The following LRIG1 variants were observed in gnomAD, a reference collection of about 807,000 sequenced individuals.
LRIG1 encodes the protein leucine-rich repeats and immunoglobulin-like domains protein 1.
Under a neutral mutation model 99.2 loss-of-function variants are expected in LRIG1, and 48 were observed. The observed-to-expected ratio is 0.48, with a 90% CI of 0.38 to 0.62. The LOEUF is 0.62. Among genes scored for constraint, LRIG1 ranks in the 20% least tolerant of loss-of-function variants. The probability of loss-of-function intolerance (pLI) is 0.00; values close to 1 mark genes in which losing one functional copy is unlikely to be tolerated. For missense variants in LRIG1, 1,646 were observed against 1,434.4 expected, an observed-to-expected ratio of 1.15 and a Z score of -2.38; for synonymous variants, 772 against 596.1, an observed-to-expected ratio of 1.29 and a Z score of -4.30.
chr3:66,486,437 G>A (rs1302478557), intron 1 of LRIG1, among the ~76,000 whole-genome samples: 1 of 152,060 alleles, frequency 6.6e-6, no homozygotes, highest in Non-Finnish European at 1.5e-5. Context: ...CCAGATGCCT[G>A]GAATGCAGGA....
At chr3:66,440,751 A>G (rs1396574964) in intron 3 of LRIG1, among the ~76,000 whole-genome samples, 1 of 152,210 alleles carries the variant, frequency 6.6e-6, no homozygotes, top group Non-Finnish European at 1.5e-5. Flanking sequence ...ACCAGACACT[A>G]TACTGAGGAC....
At position 66,467,595 on chromosome 3, in the gene LRIG1, T is replaced by C. The variant is rs533194148; in HGVS notation, c.219-5086A>G. Among the ~76,000 whole-genome samples the C allele has an allele frequency of 2.0e-5, 3 of 152,162 alleles. No individual in the cohort carries two copies. In the South Asian group the frequency reaches 6.2e-4, roughly 32 times the overall value. ...CCAGGATGGTCTTGATCTCCTGACC[T>C]CGTGATGTGCCCGCCTCGGCCTCCC... On this transcript the variant is annotated intron_variant, in intron 1 of 18. Transcript: ENST00000273261.
At chr3:66,492,753 C>A (rs912899408) in intron 1 of LRIG1, among the ~76,000 whole-genome samples, 3 of 152,152 alleles carry the variant, frequency 2.0e-5, no homozygotes, top group African/African-American at 7.2e-5. Context: ...TTAGGACTTG[C>A]AGAAATGAAC....
chr3:66,482,946 G>GT (rs949065136), intron 1 of LRIG1, among the ~76,000 whole-genome samples: 6 of 152,250 alleles, frequency 3.9e-5, no homozygotes, highest in Admixed American at 6.5e-5. Flanking sequence ...GAAATCAGTT[G>GT]TTTTTTCTTT....
In LRIG1 at chr3:66,380,805, T is replaced by G; in HGVS notation, c.2827A>C (p.Arg943=). ...DCNTEVDCYS[R]GQAFHPQPVS... ...GGCTGGGGGTGGAAGGCTTGTCCCC[T>G]GGAGTAACAGTCCACTTCGGTGTTG... is the stretch of plus-strand genomic sequence containing the variant. The change falls in exon 18 of 19, where the codon AGG becomes CGG. Residue 943 remains arginine, a synonymous_variant. Transcript: ENST00000273261. 6.2e-7 allele frequency: 1 copy of G among 1,614,194 alleles called. No homozygotes were observed. The highest frequency in any genetic ancestry group is 8.5e-7 in the Non-Finnish European group (1 of 1,180,034).
chr3:66,453,779 G>C (rs894519766), intron 2 of LRIG1, among the ~76,000 whole-genome samples: 1 of 152,196 alleles, frequency 6.6e-6, no homozygotes, highest in Non-Finnish European at 1.5e-5. Context: ...TAACAGCACA[G>C]TTGTTTTTCA....
intron 17 of LRIG1, 51 bp from the exon 18 acceptor site, chr3:66,380,912 G>T (rs148647562): frequency 5.1e-6 from 8 of 1,578,714 alleles, no homozygotes; most frequent in Non-Finnish European, 6.1e-6. Context: ...GGGAGTCTTC[G>T]TCCCCACACA....
At chr3:66,407,282 A>C (rs1339248819) in intron 8 of LRIG1, 66 bp downstream of exon 8, 2 of 1,553,428 alleles carry the variant, frequency 1.3e-6, no homozygotes, top group Admixed American at 3.4e-5. Flanking sequence ...AACAAAGCAG[A>C]TGGTTTGCTC....
chr3:66,467,010 GTTC>G (rs1244943802), intron 1 of LRIG1, among the ~76,000 whole-genome samples: 3 of 152,174 alleles, frequency 2.0e-5, no homozygotes, highest in South Asian at 2.1e-4. Flanking sequence ...AGCAATAGAT[GTTC>G]TTTCAGCTAA....
In LRIG1 at chr3:66,500,360, A is replaced by AGGCGAGC; in HGVS notation, c.41_47dup (p.Cys17LeufsTer68). On this transcript the variant is annotated frameshift_variant, in exon 1 of 19. Coordinates refer to ENST00000273261, the MANE Select transcript of LRIG1 (RefSeq NM_015541.3). LOFTEE classifies it high-confidence loss of function. ...AAAGCAGCCAGAGAAGGAGAAGGCA[A>AGGCGAGC]GGCGAGCGGCGCGGGGCCCCGAGCC... 1.3e-6 allele frequency: 2 copies of AGGCGAGC among 1,490,070 alleles called. No individual in the cohort carries two copies. The highest frequency in any genetic ancestry group is 2.4e-5 in the Admixed American group (1 of 41,544). 92.3% of individuals were successfully genotyped at this position (1,490,070 alleles called of 1,614,324 possible).
At chr3:66,471,131 G>A (rs1467539992) in intron 1 of LRIG1, among the ~76,000 whole-genome samples, 1 of 152,276 alleles carries the variant, frequency 6.6e-6, no homozygotes, top group East Asian at 1.9e-4. Flanking sequence ...GCCACAAAGG[G>A]AATATCACCA....
chr3:66,381,874 GC>G (rs1701091032), intron 16 of LRIG1, among the ~76,000 whole-genome samples: 2 of 152,116 alleles, frequency 1.3e-5, no homozygotes, highest in African/African-American at 2.4e-5. Context: ...GTGCTCAGAG[GC>G]CCCCACCGTT....
chr3:66,463,169 G>C (rs947084988), intron 1 of LRIG1, among the ~76,000 whole-genome samples: 4 of 152,126 alleles, frequency 2.6e-5, no homozygotes, highest in African/African-American at 9.7e-5. Flanking sequence ...TTCAGAGGTT[G>C]AAAAACCCTG....
At chr3:66,430,456 T>A (rs1227380471) in intron 3 of LRIG1, among the ~76,000 whole-genome samples, 1 of 152,178 alleles carries the variant, frequency 6.6e-6, no homozygotes, top group Non-Finnish European at 1.5e-5. Context: ...TATCCAAGGC[T>A]GGCCAACAAT....
chr3:66,425,525 T>C (rs986984476), intron 3 of LRIG1, among the ~76,000 whole-genome samples: 3 of 149,430 alleles, frequency 2.0e-5, no homozygotes, highest in Admixed American at 1.4e-4. Context: ...GGAGTATCTT[T>C]ATTGTTAGGG....
chr3:66,494,433 C>T (rs550064335), intron 1 of LRIG1, among the ~76,000 whole-genome samples: 5 of 152,276 alleles, frequency 3.3e-5, no homozygotes, highest in South Asian at 2.1e-4. Context: ...TTCTCTCCCC[C>T]AGTCAATAAC....
chr3:66,486,463 G>C (rs1042509462), intron 1 of LRIG1, among the ~76,000 whole-genome samples: 5 of 152,040 alleles, frequency 3.3e-5, no homozygotes, highest in South Asian at 2.1e-4. Context: ...AGAAGACAAG[G>C]ACACAACATT....
At chr3:66,466,293 T>C (rs1270995487) in intron 1 of LRIG1, among the ~76,000 whole-genome samples, 1 of 152,146 alleles carries the variant, frequency 6.6e-6, no homozygotes, top group Non-Finnish European at 1.5e-5. Flanking sequence ...TCCTCCCACC[T>C]CAGCCTCCCA....
chr3:66,433,961 A>C (rs999027892), intron 3 of LRIG1, among the ~76,000 whole-genome samples: 6 of 152,250 alleles, frequency 3.9e-5, no homozygotes, highest in Non-Finnish European at 8.8e-5. Context: ...TCATGAACTT[A>C]CATGCAAAAC....
Sources: gnomAD v4.1 joint callset for allele counts (sites outside exome capture counted in the v4.1 genomes callset) on GRCh38, gnomAD v4.1.1 for gene constraint, MANE v1.5 for transcripts, NCBI Gene and HGNC (gene_info 2026-07-23, HGNC 2026-07-21) for gene names.